FANCA: variants seen among roughly 807,000 people sequenced by gnomAD.
The protein encoded by FANCA is FA complementation group A, also known as Fanconi anemia group A protein.
In FANCA, 236 loss-of-function variants were observed where a neutral mutation model predicts 194.3. That is an observed-to-expected ratio of 1.21 (90% confidence interval 1.09 to 1.35). The LOEUF (loss-of-function observed/expected upper bound fraction) is 1.35. FANCA is among the 40% of genes most tolerant of loss of function. The probability of loss-of-function intolerance (pLI) is 0.00; values close to 1 mark genes in which losing one functional copy is unlikely to be tolerated. For missense variants in FANCA, 2,628 were observed against 1,813.9 expected (o/e 1.45, Z -8.15); for synonymous variants, 1,014 against 715.8 (o/e 1.42, Z -6.65).
chr16:89,754,879 G>A (rs954314160), intron 30 of FANCA, among the ~76,000 whole-genome samples: 1 of 152,108 alleles, frequency 6.6e-6, no homozygotes, highest in Non-Finnish European at 1.5e-5. Context: ...TACTTTTGTC[G>A]AAACTGACAA....
Position 89,814,317 on chromosome 16 carries a change from G to A in FANCA, c.283+203C>T, listed in dbSNP as rs984573896. 2.6e-5 allele frequency among the ~76,000 whole-genome samples: 4 copies of A among 152,272 alleles called. No individual in the cohort carries two copies. In the South Asian group the frequency reaches 6.2e-4, roughly 24 times the overall value. The stretch of plus-strand genomic sequence containing the variant: ...TCCTACTGCTTCTGAGTCGCAGGTT[G>A]AATCAGACGCTGTTTTTAAACACAG... On this transcript the variant is annotated intron_variant, in intron 3 of 42. Transcript: ENST00000389301.
chr16:89,810,978 G>C lies in FANCA; in HGVS notation c.377C>G (p.Thr126Arg), dbSNP rs139160837. The C allele has an allele frequency of 3.5e-4, 561 of 1,614,080 alleles. No individual in the cohort carries two copies. The highest frequency in any genetic ancestry group is 2.2e-4 in the Non-Finnish European group (263 of 1,180,038). ...MVASSVGQIC[T>R]APAETSHPVL... Reference sequence around the variant, plus strand: ...AGGGTGACTGGTCTCCGCTGGAGCCGTGCAGATCTGTCCCACGCTAGAGGC... The same window carrying C: ...AGGGTGACTGGTCTCCGCTGGAGCCCTGCAGATCTGTCCCACGCTAGAGGC... Residue 126 changes from threonine (T) to arginine (R), a missense_variant, in exon 4 of 43, where the codon ACG (threonine) becomes AGG (arginine). By Grantham distance (71) the Thr-to-Arg change is moderately conservative (BLOSUM62 -1). Transcript: ENST00000389301.
At position 89,813,409 on chromosome 16, in the gene FANCA, T is replaced by TAA. The variant is rs34267963; in HGVS notation, c.283+1109_283+1110dup. Among the ~76,000 whole-genome samples, 352 of 139,596 alleles carry TAA rather than the reference T, an allele frequency of 2.5e-3. 1 individual carries two copies. The highest frequency in any genetic ancestry group is 8.5e-3 in the South Asian group (36 of 4,250). 91.6% of individuals were successfully genotyped at this position (139,596 alleles called of 152,430 possible). ...GGCAACAGAGTGAGACCCTGTCTGTTAAAAAAAAAAAAAAAAGTAGACAAT... is the reference window on the plus strand; with the variant it reads ...GGCAACAGAGTGAGACCCTGTCTGTTAAAAAAAAAAAAAAAAAAGTAGACAAT... On this transcript the variant is annotated intron_variant, in intron 3 of 42. Coordinates refer to ENST00000389301, the MANE Select transcript of FANCA (RefSeq NM_000135.4).
chr16:89,741,801 C>A (rs1309409407), intron 37 of FANCA, among the ~76,000 whole-genome samples: 2 of 152,172 alleles, frequency 1.3e-5, no homozygotes, highest in Non-Finnish European at 2.9e-5. Flanking sequence ...CTGGGGCTGT[C>A]CCTCAGCACA....
At chr16:89,810,604 T>C (rs2040839067) in intron 5 of FANCA, 103 bp downstream of exon 5, 3 of 814,702 alleles carry the variant, frequency 3.7e-6, no homozygotes, top group Non-Finnish European at 4.4e-6. Flanking sequence ...AATGAGAAGC[T>C]TGGAGAATTC....
intron 31 of FANCA, among the ~76,000 whole-genome samples, chr16:89,750,845 T>A (rs906338139): frequency 6.6e-6 from 1 of 152,114 alleles, no homozygotes. Context: ...CAGATTAACC[T>A]CTGGCTAACA....
chr16:89,787,038 G>T (rs1282473841), intron 14 of FANCA, among the ~76,000 whole-genome samples: 8 of 152,226 alleles, frequency 5.3e-5, no homozygotes. Flanking sequence ...TTTCTGTAAA[G>T]CATCTAAGTG....
At position 89,807,472 on chromosome 16, in the gene FANCA, G is replaced by A. The variant is rs375575951; in HGVS notation, c.596+822C>T. ...TGTCTCAAAAAGAAAAAAAAAGGCC[G>A]CGCGAGGTGGCTCATGCCTGTAATC... On this transcript the variant is annotated intron_variant, in intron 6 of 42. Transcript: ENST00000389301. Among the ~76,000 whole-genome samples, 172 of 151,658 alleles carry A rather than the reference G, an allele frequency of 1.1e-3. 1 individual carries two copies. Among genetic ancestry groups the A allele is most frequent in the East Asian group, 5.3e-3 (27 of 5,094 alleles).
rs1473649860 is a variant in FANCA at position 89,814,716 on chromosome 16, G to A, written c.190-103C>T. On this transcript the variant is annotated intron_variant, in intron 2 of 42. Coordinates refer to ENST00000389301, the MANE Select transcript of FANCA (RefSeq NM_000135.4). ...CCAGTACTTTGGGAGGCCGAGATGG[G>A]CAGATCACGAGGTCAAGAGTTCGAG... 6.2e-6 allele frequency: 5 copies of A among 802,814 alleles called. No individual in the cohort carries two copies. In the Admixed American group the frequency reaches 7.3e-5, roughly 12 times the overall value. The allele number at this position is 802,814 out of a possible 1,614,324, so 49.7% of individuals were successfully genotyped here.
At position 89,748,652 on chromosome 16, in the gene FANCA, C is replaced by G. The variant is rs185527578; in HGVS notation, c.3348+7G>C. 4 of 1,609,228 alleles carry G rather than the reference C, an allele frequency of 2.5e-6. No individual in the cohort carries two copies. Among genetic ancestry groups the G allele is most frequent in the African/African-American group, 2.7e-5 (2 of 74,830 alleles). Reference sequence around the variant, plus strand: ...ATCGGACGGACACGTGCACACGGGGCACCTACCATCTCAGAGTTGACCAAG... The same window carrying G: ...ATCGGACGGACACGTGCACACGGGGGACCTACCATCTCAGAGTTGACCAAG... On this transcript the variant is annotated splice_region_variant and intron_variant, in intron 33 of 42. Transcript: ENST00000389301.
intron 3 of FANCA, 37 bp downstream of exon 3, chr16:89,814,483 T>C: frequency 6.9e-7 from 1 of 1,454,904 alleles, no homozygotes; most frequent in Non-Finnish European, 9.6e-7. Context: ...AAAACCCTTC[T>C]GCAATTCAAA....
intron 10 of FANCA, chr16:89,798,653 AG>A: frequency 8.2e-7 from 1 of 1,214,452 alleles, no homozygotes; most frequent in Non-Finnish European, 1.0e-6. Context: ...CCGACCTGTA[AG>A]GGTCTCCGCA....
intron 38 of FANCA, chr16:89,740,508 C>A: frequency 2.0e-6 from 1 of 489,098 alleles, no homozygotes; most frequent in Non-Finnish European, 3.7e-6. Context: ...GACAGACTCA[C>A]GCCTGTAATC....
intron 5 of FANCA, among the ~76,000 whole-genome samples, chr16:89,810,215 C>T (rs1357409087): frequency 2.1e-5 from 3 of 145,810 alleles, no homozygotes; most frequent in Admixed American, 6.9e-5. Context: ...CCCAGCTACT[C>T]GGGAGGCTGA....
intron 14 of FANCA, among the ~76,000 whole-genome samples, chr16:89,789,365 T>C (rs2039996370): frequency 6.6e-6 from 1 of 150,702 alleles, no homozygotes. Context: ...CCCTTGAAAA[T>C]TTCAGGGAGC....
intron 14 of FANCA, among the ~76,000 whole-genome samples, chr16:89,787,386 G>A (rs1271838365): frequency 6.6e-6 from 1 of 152,168 alleles, no homozygotes; most frequent in East Asian, 1.9e-4. Flanking sequence ...AGCCGTGTGT[G>A]GTGGCAGGCG....
chr16:89,763,250 A>G (rs1361946701), intron 28 of FANCA, among the ~76,000 whole-genome samples: 1 of 134,364 alleles, frequency 7.4e-6, no homozygotes, highest in African/African-American at 2.5e-5. Context: ...CCATCTCCAA[A>G]AAAAAAAATA....
chr16:89,816,288 G>A, intron 1 of FANCA: 1 of 256,268 alleles, frequency 3.9e-6, no homozygotes, highest in Non-Finnish European at 7.4e-6. Flanking sequence ...AGGGCGGCCG[G>A]CGGGGGCGGC....
intron 23 of FANCA, among the ~76,000 whole-genome samples, chr16:89,771,280 GA>G (rs1275775068): frequency 6.6e-6 from 1 of 151,838 alleles, no homozygotes; most frequent in Admixed American, 6.6e-5. Context: ...GCAACACAGA[GA>G]AACCCCAACT....
Sources: gnomAD v4.1 joint callset for allele counts (sites outside exome capture counted in the v4.1 genomes callset) on GRCh38, gnomAD v4.1.1 for gene constraint, MANE v1.5 for transcripts, NCBI Gene and HGNC (gene_info 2026-07-23, HGNC 2026-07-21) for gene names.